The following AFG1L variants were observed in gnomAD, a reference collection of about 807,000 sequenced individuals.
The protein encoded by AFG1L is AFG1-like ATPase.
Under a neutral mutation model 62.2 loss-of-function variants are expected in AFG1L, and 53 were observed. The ratio of observed to expected loss-of-function variants is 0.85; its 90% CI spans 0.68 to 1.07. The LOEUF (loss-of-function observed/expected upper bound fraction) is 1.07, where lower values mean the gene tolerates loss of function less well. Among genes scored for constraint, AFG1L ranks in the 50% least tolerant of loss-of-function variants. The pLI is 0.00. For synonymous variants in AFG1L, 228 were observed against 210.3 expected (o/e 1.08, Z -0.73); for missense variants, 555 against 590.5 (o/e 0.94, Z 0.62).
chr6:108,356,853 G>A, intron 5 of AFG1L, 33 bp downstream of exon 5: 2 of 1,557,634 alleles, frequency 1.3e-6, no homozygotes, highest in South Asian at 2.4e-5. Flanking sequence ...ATATAGAATG[G>A]TATATTGAAT....
intron 2 of AFG1L, among the ~76,000 whole-genome samples, chr6:108,326,123 G>A (rs1778032671): frequency 1.3e-5 from 2 of 152,118 alleles, no homozygotes; most frequent in Admixed American, 1.3e-4. Context: ...CAGGTGGGGT[G>A]CAGTAGCACA....
At chr6:108,336,958 A>G (rs1323145958) in intron 2 of AFG1L, among the ~76,000 whole-genome samples, 1 of 152,226 alleles carries the variant, frequency 6.6e-6, no homozygotes. Context: ...ACACTCATTT[A>G]GTAATGTTAT....
chr6:108,409,991 G>T (rs1286237211), intron 7 of AFG1L, among the ~76,000 whole-genome samples: 4 of 152,044 alleles, frequency 2.6e-5, no homozygotes, highest in Admixed American at 2.6e-4. Flanking sequence ...ATTTCCTATT[G>T]TATGATCCCC....
chr6:108,356,609 A>C, intron 4 of AFG1L, 81 bp from the exon 5 acceptor site: 1 of 989,838 alleles, frequency 1.0e-6, no homozygotes, highest in Non-Finnish European at 1.4e-6. Flanking sequence ...CTAAAGTTTC[A>C]TTTAGAGATT....
At chr6:108,407,800 C>G (rs1158545731) in intron 7 of AFG1L, among the ~76,000 whole-genome samples, 1 of 151,926 alleles carries the variant, frequency 6.6e-6, no homozygotes, top group Non-Finnish European at 1.5e-5. Context: ...TCAGGGTCTC[C>G]TGATGTTTCT....
intron 7 of AFG1L, among the ~76,000 whole-genome samples, chr6:108,418,210 T>C (rs1245144841): frequency 6.6e-6 from 1 of 152,240 alleles, no homozygotes; most frequent in East Asian, 1.9e-4. Context: ...TGTGATAGTT[T>C]ATACCAGGGT....
intron 5 of AFG1L, among the ~76,000 whole-genome samples, chr6:108,362,183 A>G (rs1779565612): frequency 6.6e-6 from 1 of 152,186 alleles, no homozygotes; most frequent in Non-Finnish European, 1.5e-5. Context: ...TTTTCCTGTC[A>G]TCATTCTGAA....
chr6:108,469,823 C>T (rs1158912324), intron 8 of AFG1L, among the ~76,000 whole-genome samples: 1 of 152,188 alleles, frequency 6.6e-6, no homozygotes, highest in African/African-American at 2.4e-5. Context: ...TATCTGCTTT[C>T]TCTTTTTGCT....
intron 2 of AFG1L, among the ~76,000 whole-genome samples, chr6:108,325,813 C>T (rs548373746): frequency 4.6e-5 from 7 of 150,792 alleles, no homozygotes; most frequent in Non-Finnish European, 4.4e-5. Flanking sequence ...CAGAGTGTTA[C>T]TCTGTCTCCC....
chr6:108,511,017 C>T (rs1302250997), intron 11 of AFG1L, among the ~76,000 whole-genome samples: 2 of 149,758 alleles, frequency 1.3e-5, no homozygotes, highest in African/African-American at 4.9e-5. Flanking sequence ...TTCAAGGTTA[C>T]AGTAGTGAGT....
At chr6:108,329,994 G>C (rs1347749844) in intron 2 of AFG1L, among the ~76,000 whole-genome samples, 1 of 151,966 alleles carries the variant, frequency 6.6e-6, no homozygotes, top group Non-Finnish European at 1.5e-5. Context: ...TCATGGAAGT[G>C]GGACCGGTGG....
At chr6:108,473,086 G>A (rs1002368638) in intron 8 of AFG1L, among the ~76,000 whole-genome samples, 12 of 152,164 alleles carry the variant, frequency 7.9e-5, no homozygotes, top group South Asian at 4.1e-4. Context: ...CTAGGCATGC[G>A]TCCCACGCCT....
chr6:108,340,559 C>G (rs148202232), intron 2 of AFG1L, among the ~76,000 whole-genome samples: 73 of 151,948 alleles, frequency 4.8e-4, no homozygotes, highest in African/African-American at 1.7e-3. Context: ...GAGACAGGGT[C>G]TCACCATGTT....
At chr6:108,300,741 C>T (rs958523810) in intron 1 of AFG1L, among the ~76,000 whole-genome samples, 12 of 149,766 alleles carry the variant, frequency 8.0e-5, no homozygotes, top group African/African-American at 2.7e-4. Context: ...GGAGCGATGT[C>T]GGCTCACTGC....
intron 6 of AFG1L, among the ~76,000 whole-genome samples, chr6:108,376,921 T>C (rs1780272366): frequency 2.0e-5 from 3 of 152,196 alleles, no homozygotes; most frequent in Admixed American, 6.5e-5. Context: ...GATGCTCCGA[T>C]GTTGGATACA....
chr6:108,471,584 C>G (rs1364014852), intron 8 of AFG1L, among the ~76,000 whole-genome samples: 1 of 150,944 alleles, frequency 6.6e-6, no homozygotes, highest in Non-Finnish European at 1.5e-5. Context: ...CCTCAGCCTT[C>G]CGAGTAGCTG....
At chr6:108,297,844 G>A (rs892080991) in intron 1 of AFG1L, among the ~76,000 whole-genome samples, 3 of 140,858 alleles carry the variant, frequency 2.1e-5, no homozygotes, top group Admixed American at 1.4e-4. Flanking sequence ...GGGTGACAGA[G>A]TGAGAACCTG....
At chr6:108,309,328 T>C (rs1295822706) in intron 1 of AFG1L, among the ~76,000 whole-genome samples, 1 of 152,172 alleles carries the variant, frequency 6.6e-6, no homozygotes, top group African/African-American at 2.4e-5. Flanking sequence ...ATGTGTGGGC[T>C]TCTATTTTGT....
At chr6:108,319,053 C>G (rs1777712984) in intron 1 of AFG1L, among the ~76,000 whole-genome samples, 1 of 152,164 alleles carries the variant, frequency 6.6e-6, no homozygotes, top group Non-Finnish European at 1.5e-5. Context: ...CTCATCTTCA[C>G]TGTACCTTGG....
Sources: gnomAD v4.1 joint callset for allele counts (sites outside exome capture counted in the v4.1 genomes callset) on GRCh38, gnomAD v4.1.1 for gene constraint, MANE v1.5 for transcripts, NCBI Gene and HGNC (gene_info 2026-07-23, HGNC 2026-07-21) for gene names.